The following SPRED2 variants were observed in gnomAD, a reference collection of about 807,000 sequenced individuals.
SPRED2 encodes the protein sprouty related EVH1 domain containing 2, also known as sprouty-related, EVH1 domain-containing protein 2.
A neutral mutation model predicts 43.0 loss-of-function variants in SPRED2; 47 were observed. The observed-to-expected ratio is 1.09, with a 90% CI of 0.87 to 1.40. The LOEUF is 1.40. Ranked by LOEUF, SPRED2 falls within the 40% of genes most tolerant of loss-of-function variation. The pLI, the probability that SPRED2 is intolerant of heterozygous loss-of-function variation, is 0.00. For missense variants in SPRED2, 561 were observed against 586.4 expected, an observed-to-expected ratio of 0.96 and a Z score of 0.45; for synonymous variants, 225 against 225.7, an observed-to-expected ratio of 1.00 and a Z score of 0.03.
At chr2:65,370,622 C>T (rs375372401) in intron 1 of SPRED2, among the ~76,000 whole-genome samples, 7 of 152,302 alleles carry the variant, frequency 4.6e-5, no homozygotes, top group African/African-American at 1.7e-4. Flanking sequence ...CTCAATGTCC[C>T]AATTTAGAAT....
chr2:65,393,465 G>A lies in SPRED2; in HGVS notation c.26+38497C>T, dbSNP rs551517161. On this transcript the variant is annotated intron_variant, in intron 1 of 5. Coordinates refer to ENST00000356388, the MANE Select transcript of SPRED2 (RefSeq NM_181784.3). ...TCCTGCCTCAGCCTCCCGAGTAGCT[G>A]TGACTACACAGGCACGTGCCACTAC... 6.6e-5 allele frequency among the ~76,000 whole-genome samples: 10 copies of A among 151,852 alleles called. No individual in the cohort carries two copies. The East Asian group carries it at 1.4e-3, about 21-fold the overall frequency.
intron 2 of SPRED2, among the ~76,000 whole-genome samples, chr2:65,342,283 T>TTATGTATGTATATTTTGTATACGTA (rs1558660080): frequency 4.5e-5 from 6 of 134,728 alleles, no homozygotes; most frequent in Admixed American, 1.6e-4. Flanking sequence ...TATACGTATA[T>TTATGTATGTATATTTTGTATACGTA]TATGTATGTA....
chr2:65,363,262 A>G (rs77615946), intron 1 of SPRED2, among the ~76,000 whole-genome samples: 1 of 136,308 alleles, frequency 7.3e-6, no homozygotes, highest in African/African-American at 2.7e-5. Flanking sequence ...AAAAAAAAAA[A>G]TTCCAACTGG....
chr2:65,326,784 G>A (rs900420177), intron 4 of SPRED2, among the ~76,000 whole-genome samples: 11 of 152,062 alleles, frequency 7.2e-5, no homozygotes, highest in Non-Finnish European at 1.2e-4. Flanking sequence ...GATTAAAGGC[G>A]TGAGCCACCA....
intron 1 of SPRED2, among the ~76,000 whole-genome samples, chr2:65,395,861 A>G (rs909946719): frequency 7.2e-5 from 11 of 152,186 alleles, no homozygotes; most frequent in Non-Finnish European, 5.9e-5. Flanking sequence ...CTGCTTACAG[A>G]GTAATTAGCT....
At chr2:65,350,872 TG>T (rs1379279494) in intron 1 of SPRED2, among the ~76,000 whole-genome samples, 1 of 152,204 alleles carries the variant, frequency 6.6e-6, no homozygotes, top group Non-Finnish European at 1.5e-5. Flanking sequence ...AAAGAATGTG[TG>T]CTCTAGGGCC....
At chr2:65,421,266 G>A (rs148410691) in intron 1 of SPRED2, among the ~76,000 whole-genome samples, 1 of 152,312 alleles carries the variant, frequency 6.6e-6, no homozygotes, top group African/African-American at 2.4e-5. Context: ...ATACCTCTCA[G>A]TGTATGATCA....
chr2:65,391,065 G>A (rs1675623931), intron 1 of SPRED2, among the ~76,000 whole-genome samples: 1 of 144,770 alleles, frequency 6.9e-6, no homozygotes, highest in African/African-American at 2.5e-5. Context: ...TCCAGCCTGG[G>A]TGACAGAGCG....
intron 2 of SPRED2, 107 bp from the exon 3 acceptor site, chr2:65,334,880 C>T (rs1673918261): frequency 9.0e-7 from 1 of 1,111,596 alleles, no homozygotes; most frequent in Non-Finnish European, 1.3e-6. Context: ...ACCAAAACCC[C>T]TCTAACCCCT....
chr2:65,355,995 A>G (rs1037533115), intron 1 of SPRED2, among the ~76,000 whole-genome samples: 1 of 152,228 alleles, frequency 6.6e-6, no homozygotes, highest in African/African-American at 2.4e-5. Flanking sequence ...TAAAGTGTAC[A>G]TGTAATAGAA....
At chr2:65,389,017 G>A (rs1310712623) in intron 1 of SPRED2, among the ~76,000 whole-genome samples, 1 of 152,152 alleles carries the variant, frequency 6.6e-6, no homozygotes, top group Non-Finnish European at 1.5e-5. Context: ...TCTGTACTGG[G>A]AGGGGCAGGC....
At chr2:65,427,048 G>GT (rs368329234) in intron 1 of SPRED2, among the ~76,000 whole-genome samples, 9 of 151,836 alleles carry the variant, frequency 5.9e-5, no homozygotes, top group East Asian at 3.9e-4. Context: ...GTCTTTTCAG[G>GT]TTTTTTTTGT....
chr2:65,351,791 G>A (rs1287144289), intron 1 of SPRED2, among the ~76,000 whole-genome samples: 1 of 152,212 alleles, frequency 6.6e-6, no homozygotes, highest in Non-Finnish European at 1.5e-5. Context: ...GTGTTGAGAA[G>A]CTGAGGGTAC....
intron 1 of SPRED2, among the ~76,000 whole-genome samples, chr2:65,406,014 C>A (rs528686876): frequency 2.6e-5 from 4 of 152,308 alleles, no homozygotes; most frequent in Non-Finnish European, 5.9e-5. Flanking sequence ...AGAAAAACAA[C>A]CAGGCAACCA....
chr2:65,361,052 A>T (rs1674800295), intron 1 of SPRED2, among the ~76,000 whole-genome samples: 1 of 152,246 alleles, frequency 6.6e-6, no homozygotes, highest in Non-Finnish European at 1.5e-5. Flanking sequence ...TTTTATTAAA[A>T]AATTCTTTTA....
intron 1 of SPRED2, among the ~76,000 whole-genome samples, chr2:65,365,815 G>C (rs1057310885): frequency 6.6e-6 from 1 of 152,144 alleles, no homozygotes; most frequent in Non-Finnish European, 1.5e-5. Flanking sequence ...AAATAAATAA[G>C]ATATGTGCTT....
chr2:65,309,895 A>G (rs1276536272), downstream of SPRED2, among the ~76,000 whole-genome samples: 1 of 152,168 alleles, frequency 6.6e-6, no homozygotes, highest in Admixed American at 6.5e-5. Flanking sequence ...CAGAGGCATC[A>G]GAGTGAGGCC....
chr2:65,357,571 C>T (rs550899459), intron 1 of SPRED2, among the ~76,000 whole-genome samples: 13 of 152,272 alleles, frequency 8.5e-5, no homozygotes, highest in Admixed American at 7.2e-4. Context: ...GGCAGAAGTG[C>T]GCATATTCAA....
intron 1 of SPRED2, among the ~76,000 whole-genome samples, chr2:65,412,116 G>C (rs1466931267): frequency 1.4e-5 from 2 of 145,530 alleles, no homozygotes; most frequent in Non-Finnish European, 3.0e-5. Context: ...GACACAGTGA[G>C]ACTGTCTCAA....
Sources: gnomAD v4.1 joint callset for allele counts (sites outside exome capture counted in the v4.1 genomes callset) on GRCh38, gnomAD v4.1.1 for gene constraint, MANE v1.5 for transcripts, NCBI Gene and HGNC (gene_info 2026-07-23, HGNC 2026-07-21) for gene names.